The following CECR2 variants were observed in gnomAD, a reference collection of about 807,000 sequenced individuals.
CECR2 encodes chromatin remodeling regulator CECR2.
A neutral mutation model predicts 154.5 loss-of-function variants in CECR2; 30 were observed. That is an observed-to-expected ratio of 0.19 (90% CI 0.15 to 0.26). The LOEUF (loss-of-function observed/expected upper bound fraction) is 0.26. Among genes scored for constraint, CECR2 ranks in the 10% least tolerant of loss-of-function variants. CECR2 has a pLI of 1.00. For synonymous variants in CECR2, 725 were observed against 683.7 expected, an observed-to-expected ratio of 1.06 and a Z score of -0.94; for missense variants, 1,743 against 1,829.3, an observed-to-expected ratio of 0.95 and a Z score of 0.86.
chr22:17,443,599 C>T (rs2054615035), intron 1 of CECR2, among the ~76,000 whole-genome samples: 1 of 152,178 alleles, frequency 6.6e-6, no homozygotes, highest in Non-Finnish European at 1.5e-5. Flanking sequence ...GGCTTAGCAG[C>T]TTCAGTTGTC....
At chr22:17,454,048 G>A (rs915336728) in intron 1 of CECR2, among the ~76,000 whole-genome samples, 1 of 152,180 alleles carries the variant, frequency 6.6e-6, no homozygotes, top group South Asian at 2.1e-4. Flanking sequence ...ACTCAGAAGT[G>A]CACCTCTGTC....
At chr22:17,444,425 G>A (rs554347459) in intron 1 of CECR2, among the ~76,000 whole-genome samples, 8 of 152,204 alleles carry the variant, frequency 5.3e-5, no homozygotes, top group South Asian at 2.1e-4. Flanking sequence ...TCAGGAGTCC[G>A]AGACCAGCCT....
At chr22:17,467,579 C>T (rs2078739) in intron 1 of CECR2, among the ~76,000 whole-genome samples, 22,419 of 151,978 alleles carry the variant, frequency 0.15, 1,952 homozygotes, top group African/African-American at 0.24. Flanking sequence ...GTCAGGAGTT[C>T]AAGACCAGCC....
intron 1 of CECR2, among the ~76,000 whole-genome samples, chr22:17,393,888 A>C (rs1293429308): frequency 7.5e-6 from 1 of 134,044 alleles, no homozygotes; most frequent in Non-Finnish European, 1.6e-5. Flanking sequence ...TTTTTTATTC[A>C]TTTTTTTTTT....
intron 6 of CECR2, among the ~76,000 whole-genome samples, chr22:17,504,271 G>T (rs1394865672): frequency 6.6e-6 from 1 of 151,536 alleles, no homozygotes; most frequent in Non-Finnish European, 1.5e-5. Context: ...TACTTGGGGG[G>T]TGCTGAGATG....
intron 1 of CECR2, among the ~76,000 whole-genome samples, chr22:17,381,767 G>C (rs1256815354): frequency 6.6e-6 from 1 of 152,148 alleles, no homozygotes; most frequent in Non-Finnish European, 1.5e-5. Flanking sequence ...TATAATTGCT[G>C]TAAGAGTTCA....
At chr22:17,551,609 G>A (rs1017467519) in intron 17 of CECR2, among the ~76,000 whole-genome samples, 3 of 151,952 alleles carry the variant, frequency 2.0e-5, no homozygotes, top group South Asian at 2.1e-4. Flanking sequence ...TCAGGAGTTC[G>A]AGACCAGCCT....
chr22:17,403,003 C>T (rs931929798), intron 1 of CECR2, among the ~76,000 whole-genome samples: 6 of 152,222 alleles, frequency 3.9e-5, no homozygotes, highest in Admixed American at 3.9e-4. Context: ...ATCCACCCGC[C>T]TCGGCCTCCC....
intron 1 of CECR2, among the ~76,000 whole-genome samples, chr22:17,437,801 A>G (rs893063814): frequency 6.6e-6 from 1 of 152,188 alleles, no homozygotes; most frequent in Admixed American, 6.5e-5. Context: ...AGGAGTGATG[A>G]AGGTTTTCCA....
chr22:17,459,433 G>T (rs2054903017), intron 1 of CECR2, among the ~76,000 whole-genome samples: 1 of 151,976 alleles, frequency 6.6e-6, no homozygotes, highest in Non-Finnish European at 1.5e-5. Flanking sequence ...CTGGGACTAC[G>T]GTTGAGCGCC....
chr22:17,548,956 C>G lies in CECR2; in HGVS notation c.3669C>G (p.Ser1223Arg), dbSNP rs760004505. Residue 1223 changes from serine to arginine, a missense_variant, in exon 17 of 19, where the codon AGC (serine) becomes AGG (arginine). Physicochemically the swap from Ser to Arg is moderately radical, Grantham distance 110. Around this residue, in one of 4 missense-constraint regions of CECR2, gnomAD observed 1,250 missense variants for 1,192.1 expected, o/e 1.05. Transcript: ENST00000262608. The stretch of plus-strand genomic sequence containing the variant: ...CTCTCCATCCCCAGGGAAGCCCAAG[C>G]GGACCCCCAGCCAGTCAGCCTCCCC... ...QRPLHPQGSP[S>R]GPPASQPPPP... 1.5e-5 allele frequency: 24 copies of G among 1,613,918 alleles called. No homozygotes were observed. The highest frequency in any genetic ancestry group is 1.9e-5 in the Non-Finnish European group (23 of 1,179,874).
intron 1 of CECR2, among the ~76,000 whole-genome samples, chr22:17,392,312 G>A (rs529371466): frequency 5.3e-5 from 8 of 151,904 alleles, no homozygotes; most frequent in African/African-American, 1.7e-4. Flanking sequence ...CCAACATGGC[G>A]AAACCCTGTC....
At chr22:17,365,001 G>A (rs1244251844), upstream of CECR2, among the ~76,000 whole-genome samples, 1 of 152,164 alleles carries the variant, frequency 6.6e-6, no homozygotes, top group African/African-American at 2.4e-5. Context: ...GAGGCAGGTG[G>A]ATCACCTGAG....
In CECR2 at chr22:17,381,967, G is replaced by A. The variant is rs1225149798; in HGVS notation, c.126+12058G>A. Among the ~76,000 whole-genome samples the A allele has an allele frequency of 4.1e-4, 62 of 151,532 alleles. No homozygotes were observed. The East Asian group carries it at 4.3e-3, about 10-fold the overall frequency. On this transcript the variant is annotated intron_variant, in intron 1 of 18. Transcript: ENST00000262608. ...CAGTGGCACAATCTTGGCTCACTGCGAGCTCCGCCTCCTGGGTTCACCCCA... is the reference window on the plus strand; with the variant it reads ...CAGTGGCACAATCTTGGCTCACTGCAAGCTCCGCCTCCTGGGTTCACCCCA...
At chr22:17,412,391 A>G (rs1279858999) in intron 1 of CECR2, among the ~76,000 whole-genome samples, 2 of 151,970 alleles carry the variant, frequency 1.3e-5, no homozygotes, top group African/African-American at 4.8e-5. Context: ...TTCCTTGTTC[A>G]TTCCCCGCCC....
chr22:17,538,571 C>T lies in CECR2; in HGVS notation c.1276+14C>T. On this transcript the variant is annotated intron_variant, in intron 11 of 18. Coordinates refer to ENST00000262608, the MANE Select transcript of CECR2 (RefSeq NM_001290047.2). ...CTATGTATAAAGGTTAGTTCCCATT[C>T]TCCACTGTTCTGTTTGTGATAGAAG... 6.2e-7 allele frequency: 1 copy of T among 1,613,594 alleles called. No homozygotes were observed. Among genetic ancestry groups the T allele is most frequent in the Non-Finnish European group, 8.5e-7 (1 of 1,179,498 alleles).
chr22:17,498,916 A>G (rs545975369), intron 3 of CECR2, among the ~76,000 whole-genome samples: 1 of 152,198 alleles, frequency 6.6e-6, no homozygotes, highest in South Asian at 2.1e-4. Context: ...AGTAGGTACC[A>G]CCTTCCCATT....
intron 8 of CECR2, among the ~76,000 whole-genome samples, chr22:17,523,500 T>C (rs2056194771): frequency 6.6e-6 from 1 of 152,050 alleles, no homozygotes; most frequent in Admixed American, 6.6e-5. Context: ...CTCACACCTA[T>C]AATCCCTCCA....
chr22:17,366,908 G>A (rs185495032), upstream of CECR2, among the ~76,000 whole-genome samples: 1 of 152,288 alleles, frequency 6.6e-6, no homozygotes, highest in East Asian at 1.9e-4. Context: ...AGAGTAGCAG[G>A]GTAGGTGGAG....
Sources: allele counts gnomAD v4.1 joint callset (sites outside exome capture counted in the v4.1 genomes callset), GRCh38; gene constraint gnomAD v4.1.1; regional missense constraint gnomAD v4.1.1; transcripts MANE v1.5; gene names NCBI Gene and HGNC (gene_info 2026-07-23, HGNC 2026-07-21).